The following TMEM106B variants were observed in gnomAD, a reference collection of about 807,000 sequenced individuals.
The protein encoded by TMEM106B is transmembrane protein 106B.
In TMEM106B, 15 loss-of-function variants were observed where a neutral mutation model predicts 31.1. The observed-to-expected ratio is 0.48, with a 90% CI of 0.32 to 0.74. The LOEUF (loss-of-function observed/expected upper bound fraction) is 0.74. Ranked by LOEUF, TMEM106B falls within the 30% of genes least tolerant of loss-of-function variation. The pLI, the probability that TMEM106B is intolerant of heterozygous loss-of-function variation, is 0.03. For missense variants in TMEM106B, 283 were observed against 327.3 expected, an observed-to-expected ratio of 0.86 and a Z score of 1.04; for synonymous variants, 126 against 112.5, an observed-to-expected ratio of 1.12 and a Z score of -0.76.
At chr7:12,222,274 A>C (rs1223529395) in intron 3 of TMEM106B, among the ~76,000 whole-genome samples, 4 of 152,156 alleles carry the variant, frequency 2.6e-5, no homozygotes, top group African/African-American at 9.7e-5. Context: ...CCATAAGAAA[A>C]ATCATTACTA....
In TMEM106B at chr7:12,235,456, A is replaced by G. The variant is rs1782113459; in HGVS notation, c.*3481A>G. 6.6e-6 allele frequency: 1 copy of G among 151,996 alleles called. No homozygotes were observed. Among genetic ancestry groups the G allele is most frequent in the African/African-American group, 2.4e-5 (1 of 41,426 alleles). The allele number at this position is 151,996 out of a possible 1,614,324, so 9.4% of individuals were successfully genotyped here. On this transcript the variant is annotated 3_prime_UTR_variant, in exon 8 of 8. Coordinates refer to ENST00000396668, the MANE Select transcript of TMEM106B (RefSeq NM_001134232.2). Reference sequence around the variant, plus strand: ...TATTTTCTCTAAGAAAATGACAATAAAATATAACACACTTCAGATTGTCTG... The same window carrying G: ...TATTTTCTCTAAGAAAATGACAATAGAATATAACACACTTCAGATTGTCTG...
chr7:12,223,130 G>C (rs1172196684), intron 3 of TMEM106B, among the ~76,000 whole-genome samples: 1 of 152,138 alleles, frequency 6.6e-6, no homozygotes, highest in Non-Finnish European at 1.5e-5. Flanking sequence ...ACCTTGAAAA[G>C]AGGAAGTTTT....
At chr7:12,221,207 T>G (rs779490144) in intron 3 of TMEM106B, among the ~76,000 whole-genome samples, 1 of 152,118 alleles carries the variant, frequency 6.6e-6, no homozygotes, top group Non-Finnish European at 1.5e-5. Context: ...TCTAACTGTA[T>G]ATGAAGTTGG....
At position 12,237,894 on chromosome 7, in the gene TMEM106B, G is replaced by C. The variant is rs1782171438; in HGVS notation, c.*5919G>C. 1 of 151,834 alleles carries C rather than the reference G, an allele frequency of 6.6e-6. No homozygotes were observed. Among genetic ancestry groups the C allele is most frequent in the African/African-American group, 2.4e-5 (1 of 41,136 alleles). 9.4% of individuals were successfully genotyped at this position (151,834 alleles called of 1,614,324 possible). ...ATGTTAACGATCATCTGAATGTTCA[G>C]AAGTTTATACTCCTTTTGCCGGCAC... On this transcript the variant is annotated 3_prime_UTR_variant, in exon 8 of 8. Transcript: ENST00000396668.
Position 12,231,825 on chromosome 7 carries a change from C to A in TMEM106B, c.687-12C>A. On this transcript the variant is annotated splice_polypyrimidine_tract_variant and intron_variant, in intron 7 of 7. Coordinates refer to ENST00000396668, the MANE Select transcript of TMEM106B (RefSeq NM_001134232.2). Reference sequence around the variant, plus strand: ...ACTATTAAATGTCTCTCCTCACTTACATTATTTTTAGAGTTACTGTGACAA... The same window carrying A: ...ACTATTAAATGTCTCTCCTCACTTAAATTATTTTTAGAGTTACTGTGACAA... The A allele has an allele frequency of 6.3e-7, 1 of 1,584,918 alleles. No individual in the cohort carries two copies. The highest frequency in any genetic ancestry group is 8.6e-7 in the Non-Finnish European group (1 of 1,160,186).
In TMEM106B at chr7:12,218,329, A is replaced by G. The variant is rs559135070; in HGVS notation, c.218-129A>G. 7.3e-4 allele frequency: 434 copies of G among 595,494 alleles called. 1 individual carries two copies. Among genetic ancestry groups the G allele is most frequent in the Non-Finnish European group, 1.1e-3 (412 of 363,820 alleles). 36.9% of individuals were successfully genotyped at this position (595,494 alleles called of 1,614,324 possible). A position where few individuals can be genotyped will look rare whatever the true frequency, so the allele number is the denominator to read the frequency against. On this transcript the variant is annotated intron_variant, in intron 2 of 7. Coordinates refer to ENST00000396668, the MANE Select transcript of TMEM106B (RefSeq NM_001134232.2). ...TCTGCTGGATACTTTCTGAAGACTT[A>G]GCAATTTACTAAAGGAAAGAGATGA...
intron 7 of TMEM106B, 74 bp from the exon 8 acceptor site, chr7:12,231,763 G>GT: frequency 8.2e-7 from 1 of 1,218,440 alleles, no homozygotes; most frequent in Admixed American, 2.1e-5. Flanking sequence ...ATTTTTATGT[G>GT]TTAAAGTAGT....
Position 12,235,051 on chromosome 7 carries a change from G to C in TMEM106B, c.*3076G>C, listed in dbSNP as rs900777860. 2.0e-5 allele frequency: 3 copies of C among 152,274 alleles called. No homozygotes were observed. Among genetic ancestry groups the C allele is most frequent in the African/African-American group, 7.2e-5 (3 of 41,486 alleles). The allele number at this position is 152,274 out of a possible 1,614,324, so 9.4% of individuals were successfully genotyped here. A position where few individuals can be genotyped will look rare whatever the true frequency, so the allele number is the denominator to read the frequency against. ...CAGATTGGTATGATTAAAAATGAGA[G>C]GAAAGTTCAAATAGTTAGTAGTGAC... On this transcript the variant is annotated 3_prime_UTR_variant, in exon 8 of 8. Coordinates refer to ENST00000396668, the MANE Select transcript of TMEM106B (RefSeq NM_001134232.2).
chr7:12,219,369 C>G (rs1047975438), intron 3 of TMEM106B, among the ~76,000 whole-genome samples: 1 of 152,246 alleles, frequency 6.6e-6, no homozygotes, highest in African/African-American at 2.4e-5. Context: ...AGCAAAGCAA[C>G]GCTGGCATAT....
At position 12,235,983 on chromosome 7, in the gene TMEM106B, T is replaced by G. The variant is rs1230888035; in HGVS notation, c.*4008T>G. 8.4e-6 allele frequency: 1 copy of G among 118,940 alleles called. No individual in the cohort carries two copies. The highest frequency in any genetic ancestry group is 2.8e-4 in the East Asian group (1 of 3,580). The allele number at this position is 118,940 out of a possible 1,614,324, so 7.4% of individuals were successfully genotyped here. A position where few individuals can be genotyped will look rare whatever the true frequency, so the allele number is the denominator to read the frequency against. On this transcript the variant is annotated 3_prime_UTR_variant, in exon 8 of 8. Transcript: ENST00000396668. ...TTATAAAATCGGGTTTCAGATGAGA[T>G]GTTTATCTTAGACTATTTTAGGGAA...
chr7:12,230,163 C>T (rs2128527468), intron 5 of TMEM106B, among the ~76,000 whole-genome samples: 1 of 152,064 alleles, frequency 6.6e-6, no homozygotes, highest in African/African-American at 2.4e-5. Flanking sequence ...GGCTCGCGAG[C>T]CGTGATCACA....
At chr7:12,222,301 A>G (rs1177836121) in intron 3 of TMEM106B, among the ~76,000 whole-genome samples, 3 of 152,148 alleles carry the variant, frequency 2.0e-5, no homozygotes, top group African/African-American at 7.2e-5. Context: ...TTTGTAATGG[A>G]GACATATATT....
rs931671256 is a variant in TMEM106B at position 12,214,928 on chromosome 7, G to A, written c.118G>A (p.Gly40Arg). 7.4e-6 allele frequency: 12 copies of A among 1,613,932 alleles called. No homozygotes were observed. The African/African-American group carries it at 1.6e-4, about 22-fold the overall frequency. The change falls in exon 2 of 8, where the codon GGA (glycine) becomes AGA (arginine). Residue 40 changes from glycine to arginine, a missense_variant. Coordinates refer to ENST00000396668, the MANE Select transcript of TMEM106B (RefSeq NM_001134232.2). Reference sequence around the variant, plus strand: ...TAATAGTGAAGTCCATAATGAAGATGGAAGAAATGGAGATGTCTCTCAGTT... The same window carrying A: ...TAATAGTGAAGTCCATAATGAAGATAGAAGAAATGGAGATGTCTCTCAGTT... ...LVNSEVHNEDGRNGDVSQFPY... is the reference protein window; with the variant it reads ...LVNSEVHNEDRRNGDVSQFPY...
At position 12,236,420 on chromosome 7, in the gene TMEM106B, A is replaced by G. The variant is rs1238368891; in HGVS notation, c.*4445A>G. Reference sequence around the variant, plus strand: ...CTATATTTGACCCTAAAAATGTTGGATTAATTTAACAAATATGGCAGATTT... The same window carrying G: ...CTATATTTGACCCTAAAAATGTTGGGTTAATTTAACAAATATGGCAGATTT... On this transcript the variant is annotated 3_prime_UTR_variant, in exon 8 of 8. Coordinates refer to ENST00000396668, the MANE Select transcript of TMEM106B (RefSeq NM_001134232.2). The G allele has an allele frequency of 6.6e-6, 1 of 152,030 alleles. No homozygotes were observed. The highest frequency in any genetic ancestry group is 1.5e-5 in the Non-Finnish European group (1 of 67,900). 9.4% of individuals were successfully genotyped at this position (152,030 alleles called of 1,614,324 possible).
chr7:12,214,617 T>C (rs1404266016), intron 1 of TMEM106B, among the ~76,000 whole-genome samples, 192 bp from the exon 2 acceptor site: 2 of 152,306 alleles, frequency 1.3e-5, no homozygotes, highest in Non-Finnish European at 2.9e-5. Flanking sequence ...TGAGGACATT[T>C]TCTCAGGACC....
At chr7:12,211,496 G>C (rs1396090648) in intron 1 of TMEM106B, 71 bp downstream of exon 1, 1 of 152,540 alleles carries the variant, frequency 6.6e-6, no homozygotes, top group Non-Finnish European at 1.5e-5. Context: ...GCCGCGGCTT[G>C]AGCCGGGCCT....
At chr7:12,216,717 C>A (rs1781693950) in intron 2 of TMEM106B, among the ~76,000 whole-genome samples, 1 of 152,090 alleles carries the variant, frequency 6.6e-6, no homozygotes, top group African/African-American at 2.4e-5. Flanking sequence ...AGGAGGAAAT[C>A]ATTGTGTGTG....
rs1410210224 is a variant in TMEM106B at position 12,237,852 on chromosome 7, C to CGCAA, written c.*5877_*5878insGCAA. On this transcript the variant is annotated 3_prime_UTR_variant, in exon 8 of 8. Transcript: ENST00000396668. ...ACACACACACACACACACACACACA[C>CGCAA]ACACTATTGCTAAAAAATGTTAACG... 1.3e-5 allele frequency: 2 copies of CGCAA among 150,794 alleles called. No individual in the cohort carries two copies. Among genetic ancestry groups the CGCAA allele is most frequent in the African/African-American group, 4.9e-5 (2 of 40,744 alleles). The allele number at this position is 150,794 out of a possible 1,614,324, so 9.3% of individuals were successfully genotyped here.
At chr7:12,218,408 T>C (rs1781728612) in intron 2 of TMEM106B, 50 bp from the exon 3 acceptor site, 2 of 1,496,150 alleles carry the variant, frequency 1.3e-6, no homozygotes, top group Non-Finnish European at 1.9e-6. Flanking sequence ...GGAGCCATTA[T>C]ATTTTTAACT....
Sources: allele counts gnomAD v4.1 joint callset (sites outside exome capture counted in the v4.1 genomes callset), GRCh38; gene constraint gnomAD v4.1.1; transcripts MANE v1.5; gene names NCBI Gene and HGNC (gene_info 2026-07-23, HGNC 2026-07-21).